The following CNTLN variants were observed in gnomAD, a reference collection of about 807,000 sequenced individuals.
CNTLN encodes centlein, centrosomal protein.
CNTLN carries 212 observed loss-of-function variants against 180.0 expected under a neutral mutation model. That is an observed-to-expected ratio of 1.18 (90% CI 1.05 to 1.32). CNTLN has a LOEUF of 1.32. CNTLN is among the 40% of genes most tolerant of loss of function. CNTLN has a pLI of 0.00. For synonymous variants in CNTLN, 722 were observed against 563.1 expected (o/e 1.28, Z -3.99); for missense variants, 2,095 against 1,610.9 (o/e 1.30, Z -5.14).
intron 16 of CNTLN, among the ~76,000 whole-genome samples, chr9:17,412,133 G>T (rs1363377000): frequency 1.3e-5 from 2 of 150,160 alleles, no homozygotes; most frequent in East Asian, 2.0e-4. Flanking sequence ...CTGAAGTTCT[G>T]CCCTCCCCAA....
chr9:17,510,483 A>G, the CNTLN span, among the ~76,000 whole-genome samples: 1 of 152,152 alleles, frequency 6.6e-6, no homozygotes. Context: ...TTCTGTGAGC[A>G]TGTTTTTGGA....
intron 2 of CNTLN, among the ~76,000 whole-genome samples, chr9:17,155,233 A>C (rs916084625): frequency 4.6e-5 from 7 of 152,192 alleles, no homozygotes; most frequent in Admixed American, 2.0e-4. Flanking sequence ...TTCATTCGTG[A>C]AGTCAGCGAG....
intron 5 of CNTLN, among the ~76,000 whole-genome samples, chr9:17,240,607 A>AT (rs1015320384): frequency 1.1e-4 from 16 of 151,406 alleles, no homozygotes; most frequent in East Asian, 1.9e-4. Context: ...AGATAATTAG[A>AT]TTTTTTTTTC....
At chr9:17,268,862 T>C (rs952461468) in intron 5 of CNTLN, among the ~76,000 whole-genome samples, 2 of 151,784 alleles carry the variant, frequency 1.3e-5, no homozygotes, top group African/African-American at 4.8e-5. Flanking sequence ...TATAATCTGG[T>C]GTGCCGTTTT....
At chr9:17,466,923 C>T (rs1300007295) in intron 23 of CNTLN, 32 bp downstream of exon 23, 2 of 1,558,414 alleles carry the variant, frequency 1.3e-6, no homozygotes, top group Non-Finnish European at 8.8e-7. Flanking sequence ...CTAACTTGTA[C>T]TTTACTTTAG....
intron 12 of CNTLN, among the ~76,000 whole-genome samples, chr9:17,342,736 C>T (rs575214259): frequency 2.6e-5 from 4 of 152,126 alleles, no homozygotes; most frequent in East Asian, 1.9e-4. Context: ...GTATTTTAGA[C>T]GCTGCCGTGC....
chr9:17,156,841 A>G (rs1229495272), intron 2 of CNTLN, among the ~76,000 whole-genome samples: 1 of 152,236 alleles, frequency 6.6e-6, no homozygotes, highest in African/African-American at 2.4e-5. Flanking sequence ...TTGAAATAAT[A>G]AAATAGAATT....
intron 12 of CNTLN, among the ~76,000 whole-genome samples, chr9:17,344,229 A>G (rs1049599253): frequency 1.1e-4 from 17 of 152,162 alleles, no homozygotes; most frequent in Admixed American, 6.5e-4. Context: ...CAGAATCCTG[A>G]TCTGTTCACT....
At chr9:17,266,975 G>A (rs540362120) in intron 5 of CNTLN, among the ~76,000 whole-genome samples, 127 of 152,168 alleles carry the variant, frequency 8.3e-4, no homozygotes, top group African/African-American at 2.9e-3. Context: ...ACACTGATGG[G>A]TCTTGACTCT....
intron 2 of CNTLN, among the ~76,000 whole-genome samples, chr9:17,186,769 C>T (rs978168229): frequency 3.9e-5 from 6 of 152,220 alleles, no homozygotes; most frequent in African/African-American, 1.4e-4. Context: ...ATCATTTGAT[C>T]CTCCATATAT....
In CNTLN at chr9:17,409,328, G is replaced by T. The variant is rs371893913; in HGVS notation, c.2651G>T (p.Gly884Val). ...GAAGCACAGACCTCTCAAACTTTGG[G>T]AACAATTATTGTAGAAACATCCCAG... ...DSEAQTSQTL[G>V]TIIVETSQKI... The change falls in exon 16 of 26, where the codon GGA (glycine) becomes GTA (valine). Residue 884 changes from glycine to valine, a missense_variant. Transcript: ENST00000380647. The T allele has an allele frequency of 5.6e-6, 9 of 1,612,578 alleles. No homozygotes were observed. The highest frequency in any genetic ancestry group is 7.6e-6 in the Non-Finnish European group (9 of 1,179,546).
intron 5 of CNTLN, among the ~76,000 whole-genome samples, chr9:17,263,707 G>C (rs1210649350): frequency 1.4e-5 from 2 of 143,556 alleles, no homozygotes; most frequent in East Asian, 4.3e-4. Flanking sequence ...AGCCCCTGTT[G>C]TTTCCTGACT....
intron 23 of CNTLN, among the ~76,000 whole-genome samples, chr9:17,474,348 G>A (rs1324966733): frequency 1.3e-5 from 2 of 152,066 alleles, no homozygotes; most frequent in Non-Finnish European, 2.9e-5. Flanking sequence ...CAGATGGTTA[G>A]GCTCCAAATC....
rs759119354 is a variant in CNTLN, at chr9:17,309,159, G to A, written c.1248G>A (p.Glu416=). The A allele has an allele frequency of 6.2e-7, 1 of 1,610,508 alleles. No homozygotes were observed. The highest frequency in any genetic ancestry group is 8.5e-7 in the Non-Finnish European group (1 of 1,177,894). Residue 416 remains glutamate, a synonymous_variant, in exon 8 of 26, where the codon GAG becomes GAA. Coordinates refer to ENST00000380647, the MANE Select transcript of CNTLN (RefSeq NM_017738.4). ...TNLQDQLLQK[E]QENAKLKEKL... ...TTCAGGATCAGCTATTACAAAAAGA[G>A]CAAGAAAATGCTAAGTTAAAAGAAA... is the stretch of plus-strand genomic sequence containing the variant.
chr9:17,228,029 AC>A (rs1201497195), intron 3 of CNTLN, among the ~76,000 whole-genome samples: 3 of 151,970 alleles, frequency 2.0e-5, no homozygotes, highest in African/African-American at 7.2e-5. Flanking sequence ...AAATTTGGCC[AC>A]CCCAAGATTC....
At chr9:17,323,622 T>C (rs375487845) in intron 8 of CNTLN, among the ~76,000 whole-genome samples, 2 of 152,218 alleles carry the variant, frequency 1.3e-5, no homozygotes, top group African/African-American at 4.8e-5. Flanking sequence ...ATCAGATAAT[T>C]TGTAAATTAC....
the CNTLN span, among the ~76,000 whole-genome samples, chr9:17,514,102 G>T: frequency 6.6e-6 from 1 of 151,184 alleles, no homozygotes; most frequent in African/African-American, 2.4e-5. Context: ...GAGCCCAGGA[G>T]TTTGAGACCA....
At chr9:17,386,588 A>G (rs532492796) in intron 13 of CNTLN, among the ~76,000 whole-genome samples, 2 of 152,290 alleles carry the variant, frequency 1.3e-5, no homozygotes, top group Middle Eastern at 3.4e-3. Flanking sequence ...TTTCCATGGC[A>G]TGAGCTTATC....
intron 18 of CNTLN, among the ~76,000 whole-genome samples, chr9:17,452,189 A>G (rs1317644721): frequency 6.6e-6 from 1 of 151,968 alleles, no homozygotes; most frequent in Non-Finnish European, 1.5e-5. Context: ...TACGCCCTTT[A>G]TTTCTCATTA....
Sources: allele counts gnomAD v4.1 joint callset (sites outside exome capture counted in the v4.1 genomes callset), GRCh38; gene constraint gnomAD v4.1.1; transcripts MANE v1.5; gene names NCBI Gene and HGNC (gene_info 2026-07-23, HGNC 2026-07-21).